Variants in CCDC93 observed in about 807,000 individuals in gnomAD.
The protein encoded by CCDC93 is CCC complex scaffolding subunit CCDC93.
Under a neutral mutation model 108.2 loss-of-function variants are expected in CCDC93, and 61 were observed. The observed-to-expected ratio is 0.56, with a 90% confidence interval of 0.46 to 0.70. CCDC93 has a LOEUF of 0.70. Among genes scored for constraint, CCDC93 ranks in the 30% least tolerant of loss-of-function variants. The probability of loss-of-function intolerance (pLI) is 0.00; values close to 1 mark genes in which losing one functional copy is unlikely to be tolerated. For missense variants in CCDC93, 685 were observed against 764.2 expected, an observed-to-expected ratio of 0.90 and a Z score of 1.22; for synonymous variants, 276 against 260.4, an observed-to-expected ratio of 1.06 and a Z score of -0.58.
chr2:117,967,033 C>T (rs1463005854), intron 11 of CCDC93, among the ~76,000 whole-genome samples: 1 of 152,206 alleles, frequency 6.6e-6, no homozygotes, highest in African/African-American at 2.4e-5. Context: ...CTCTCTGTCG[C>T]CCAGGCTGGA....
intron 12 of CCDC93, among the ~76,000 whole-genome samples, chr2:117,953,809 G>A (rs1679135556): frequency 6.6e-6 from 1 of 151,848 alleles, no homozygotes; most frequent in African/African-American, 2.4e-5. Flanking sequence ...TGGAAGGATT[G>A]CTTCATCCCA....
chr2:118,007,566 G>C (rs1676911558), intron 2 of CCDC93, among the ~76,000 whole-genome samples: 1 of 152,198 alleles, frequency 6.6e-6, no homozygotes, highest in Admixed American at 6.5e-5. Flanking sequence ...CTACTCGGGA[G>C]GCTGAGGCAG....
chr2:117,976,305 CATAT>C (rs758690347), intron 8 of CCDC93, among the ~76,000 whole-genome samples: 32 of 152,228 alleles, frequency 2.1e-4, no homozygotes, highest in South Asian at 6.2e-4. Flanking sequence ...ATTGCCCAGT[CATAT>C]ATAAAGACAA....
At chr2:117,938,773 G>A (rs184486026) in intron 20 of CCDC93, among the ~76,000 whole-genome samples, 4 of 152,232 alleles carry the variant, frequency 2.6e-5, no homozygotes, top group African/African-American at 9.6e-5. Flanking sequence ...AGCTTCCATT[G>A]TGTTCCTTTT....
At position 117,918,347 on chromosome 2, in the gene CCDC93, A is replaced by C. The variant is rs1677754840; in HGVS notation, c.*1996T>G. On this transcript the variant is annotated 3_prime_UTR_variant, in exon 24 of 24. Coordinates refer to ENST00000376300, the MANE Select transcript of CCDC93 (RefSeq NM_019044.5). ...AAAAAGGGAATAGAGATCTATGGAC[A>C]CCTCTCTATACCAAAACCAAACCAA... is the stretch of plus-strand genomic sequence containing the variant. 6.6e-6 allele frequency: 1 copy of C among 152,056 alleles called. No individual in the cohort carries two copies. Among genetic ancestry groups the C allele is most frequent in the South Asian group, 2.1e-4 (1 of 4,828 alleles). 9.4% of individuals were successfully genotyped at this position (152,056 alleles called of 1,614,324 possible).
In CCDC93 at chr2:117,919,679, A is replaced by G. The variant is rs1677797946; in HGVS notation, c.*664T>C. On this transcript the variant is annotated 3_prime_UTR_variant, in exon 24 of 24. Coordinates refer to ENST00000376300, the MANE Select transcript of CCDC93 (RefSeq NM_019044.5). Reference sequence around the variant, plus strand: ...TGAGAAATCAACTTGAGTAACGTATAAAAATTAAAACAACACTGAACTTTC... The same window carrying G: ...TGAGAAATCAACTTGAGTAACGTATGAAAATTAAAACAACACTGAACTTTC... 6.8e-6 allele frequency: 1 copy of G among 146,194 alleles called. No individual in the cohort carries two copies. The highest frequency in any genetic ancestry group is 1.5e-5 in the Non-Finnish European group (1 of 65,780). The allele number at this position is 146,194 out of a possible 1,614,324, so 9.1% of individuals were successfully genotyped here.
chr2:117,949,722 A>T lies in CCDC93; in HGVS notation c.1069-327T>A, dbSNP rs1185470681. On this transcript the variant is annotated intron_variant, in intron 13 of 23. Coordinates refer to ENST00000376300, the MANE Select transcript of CCDC93 (RefSeq NM_019044.5). ...TCAAAAATTAAAAAAAAAAAGTTTTAAAAAAGTTCCAAGAGGTCTAGTTGA... is the reference window on the plus strand; with the variant it reads ...TCAAAAATTAAAAAAAAAAAGTTTTTAAAAAGTTCCAAGAGGTCTAGTTGA... The T allele has an allele frequency of 6.1e-6, 6 of 983,206 alleles. No homozygotes were observed. The African/African-American group carries it at 1.0e-4, about 17-fold the overall frequency. The allele number at this position is 983,206 out of a possible 1,614,324, so 60.9% of individuals were successfully genotyped here.
At chr2:118,013,215 C>T (rs2113483) in intron 1 of CCDC93, among the ~76,000 whole-genome samples, 147,695 of 152,340 alleles carry the variant, frequency 0.97, 71,781 homozygotes, top group Middle Eastern at 1. Context: ...CTCATGACCC[C>T]CTCCCTAGCA....
chr2:118,006,572 TCA>T (rs1676876082), intron 3 of CCDC93, 148 bp downstream of exon 3: 2 of 646,516 alleles, frequency 3.1e-6, no homozygotes, highest in South Asian at 3.6e-5. Flanking sequence ...TCTTTCAGTC[TCA>T]GTTTCATTTG....
intron 15 of CCDC93, 53 bp downstream of exon 15, chr2:117,948,052 C>T (rs943137422): frequency 7.0e-7 from 1 of 1,419,338 alleles, no homozygotes; most frequent in Non-Finnish European, 1.0e-6. Context: ...GGAGGTAAAC[C>T]AAGAGATTCA....
chr2:117,939,973 A>G (rs1180691596), intron 19 of CCDC93, among the ~76,000 whole-genome samples: 1 of 152,220 alleles, frequency 6.6e-6, no homozygotes, highest in Non-Finnish European at 1.5e-5. Context: ...TCTAAAGATT[A>G]CCCAAGAAGT....
intron 23 of CCDC93, among the ~76,000 whole-genome samples, chr2:117,920,965 T>C (rs9308757): frequency 0.58 from 87,710 of 151,852 alleles, 25,666 homozygotes; most frequent in Middle Eastern, 0.63. Flanking sequence ...AGGCGGATCA[T>C]GAGGTCAGGA....
In CCDC93 at chr2:117,920,225, T is replaced by C. The variant is rs867546304; in HGVS notation, c.*118A>G. 3.7e-5 allele frequency: 23 copies of C among 623,694 alleles called. No homozygotes were observed. In the Middle Eastern group the frequency reaches 8.0e-4, roughly 22 times the overall value. 38.6% of individuals were successfully genotyped at this position (623,694 alleles called of 1,614,324 possible). On this transcript the variant is annotated 3_prime_UTR_variant, in exon 24 of 24. Transcript: ENST00000376300. ...GAGGAGAAAGAAAACATCCAGGTTG[T>C]TGAAATCATCACAACTGCATCTCTC...
intron 1 of CCDC93, among the ~76,000 whole-genome samples, chr2:118,010,415 ATC>A (rs1676993179): frequency 6.6e-6 from 1 of 152,156 alleles, no homozygotes; most frequent in Non-Finnish European, 1.5e-5. Context: ...ATAAAAAACC[ATC>A]TCTCTATATA....
At chr2:117,964,598 AAGT>A (rs1206407032) in intron 11 of CCDC93, among the ~76,000 whole-genome samples, 3 of 151,994 alleles carry the variant, frequency 2.0e-5, no homozygotes, top group African/African-American at 7.2e-5. Context: ...CTCTTTTAAG[AAGT>A]AGAATTTTTT....
intron 8 of CCDC93, among the ~76,000 whole-genome samples, chr2:117,975,696 C>A (rs1204690979): frequency 9.2e-5 from 14 of 152,194 alleles, no homozygotes. Context: ...TAAATTAACA[C>A]AACAGAACAT....
Position 117,947,997 on chromosome 2 carries a change from T to A in CCDC93, c.1224+108A>T, listed in dbSNP as rs1336231317. On this transcript the variant is annotated intron_variant, in intron 15 of 23. Transcript: ENST00000376300. ...GCATGAGCCACTGCGCCTGGCCAAATCTGCTTTTTAAACTGCACTGGATAG... is the reference window on the plus strand; with the variant it reads ...GCATGAGCCACTGCGCCTGGCCAAAACTGCTTTTTAAACTGCACTGGATAG... 1.1e-5 allele frequency: 10 copies of A among 893,420 alleles called. No individual in the cohort carries two copies. The East Asian group carries it at 2.5e-4, about 22-fold the overall frequency. The allele number at this position is 893,420 out of a possible 1,614,324, so 55.3% of individuals were successfully genotyped here. A position where few individuals can be genotyped will look rare whatever the true frequency, so the allele number is the denominator to read the frequency against.
intron 6 of CCDC93, among the ~76,000 whole-genome samples, chr2:117,988,016 G>A (rs1680370062): frequency 6.6e-6 from 1 of 151,948 alleles, no homozygotes; most frequent in Non-Finnish European, 1.5e-5. Flanking sequence ...ATAAAAACAG[G>A]ATGACTCCAG....
At chr2:117,935,123 C>T (rs181809934) in intron 22 of CCDC93, among the ~76,000 whole-genome samples, 1 of 152,134 alleles carries the variant, frequency 6.6e-6, no homozygotes, top group Non-Finnish European at 1.5e-5. Flanking sequence ...ACAGATCCAC[C>T]GAGGAAGTGA....
Sources: allele counts gnomAD v4.1 joint callset (sites outside exome capture counted in the v4.1 genomes callset), GRCh38; gene constraint gnomAD v4.1.1; transcripts MANE v1.5; gene names NCBI Gene and HGNC (gene_info 2026-07-23, HGNC 2026-07-21).